The following DNAH8 variants were observed in gnomAD, a reference collection of about 807,000 sequenced individuals.
The protein encoded by DNAH8 is dynein axonemal heavy chain 8.
A neutral mutation model predicts 562.1 loss-of-function variants in DNAH8; 382 were observed. The ratio of observed to expected loss-of-function variants is 0.68; its 90% confidence interval spans 0.63 to 0.74. The LOEUF is 0.74. DNAH8 is among the 30% of genes least tolerant of loss of function. The pLI is 0.00. For synonymous variants in DNAH8, 1,881 were observed against 1,919.4 expected (o/e 0.98, Z 0.52); for missense variants, 5,203 against 5,620.4 (o/e 0.93, Z 2.37).
chr6:38,763,650 CA>C, intron 11 of DNAH8: 1 of 173,042 alleles, frequency 5.8e-6, no homozygotes, highest in Non-Finnish European at 1.2e-5. Flanking sequence ...CCTGTCTCTA[CA>C]AAAAACTTAG....
chr6:38,883,237 A>G lies in DNAH8; in HGVS notation c.8002-85A>G. 8 of 1,433,526 alleles carry G rather than the reference A, an allele frequency of 5.6e-6. No homozygotes were observed. In the East Asian group the frequency reaches 9.4e-5, roughly 17 times the overall value. The allele number at this position is 1,433,526 out of a possible 1,614,324, so 88.8% of individuals were successfully genotyped here. The stretch of plus-strand genomic sequence containing the variant: ...TATTAAAAATTAGTTGTATTAATTT[A>G]TAGAAGACTAGCCCATAGAATCATA... On this transcript the variant is annotated intron_variant, in intron 54 of 92. Transcript: ENST00000327475.
chr6:38,834,776 C>T (rs967874004), intron 32 of DNAH8, 135 bp downstream of exon 32: 1 of 633,588 alleles, frequency 1.6e-6, no homozygotes, highest in Non-Finnish European at 2.8e-6. Flanking sequence ...TTCTAATCTG[C>T]TAAATGATGC....
chr6:39,005,845 C>T (rs555749766), intron 88 of DNAH8, among the ~76,000 whole-genome samples: 12 of 152,354 alleles, frequency 7.9e-5, no homozygotes, highest in Admixed American at 2.0e-4. Flanking sequence ...TGCTCTTTCT[C>T]TCTGGCTCCT....
intron 21 of DNAH8, among the ~76,000 whole-genome samples, chr6:38,802,562 AT>A (rs926862535): frequency 6.6e-6 from 1 of 152,236 alleles, no homozygotes. Context: ...AAGTGCAGGC[AT>A]TTTGAATCAG....
intron 11 of DNAH8, among the ~76,000 whole-genome samples, chr6:38,769,292 CACGT>C (rs1767325542): frequency 6.6e-6 from 1 of 152,150 alleles, no homozygotes. Flanking sequence ...CATAGGTATA[CACGT>C]GCCATGGTGG....
chr6:38,810,658 A>G (rs1233748714), intron 24 of DNAH8, among the ~76,000 whole-genome samples: 1 of 152,062 alleles, frequency 6.6e-6, no homozygotes, highest in African/African-American at 2.4e-5. Flanking sequence ...ATTTCTGACT[A>G]CAAGGGCCTT....
Position 38,723,475 on chromosome 6 carries a change from A to T in DNAH8, c.525+4A>T. 1.2e-6 allele frequency: 2 copies of T among 1,600,058 alleles called. No homozygotes were observed. Among genetic ancestry groups the T allele is most frequent in the Non-Finnish European group, 1.7e-6 (2 of 1,176,994 alleles). On this transcript the variant is annotated splice_donor_region_variant and intron_variant, in intron 3 of 92. Coordinates refer to ENST00000327475, the MANE Select transcript of DNAH8 (RefSeq NM_001206927.2). ...ATTAATTTTGGATTGCCCATCTGTAAGTTTAAGTCTTATCATTATATTTTA... is the reference window on the plus strand; with the variant it reads ...ATTAATTTTGGATTGCCCATCTGTATGTTTAAGTCTTATCATTATATTTTA...
intron 12 of DNAH8, 105 bp downstream of exon 12, chr6:38,770,664 A>G: frequency 5.4e-6 from 6 of 1,107,624 alleles, no homozygotes; most frequent in Non-Finnish European, 7.4e-6. Flanking sequence ...TCTCTTGTCC[A>G]CTATTGTTAT....
intron 85 of DNAH8, among the ~76,000 whole-genome samples, 185 bp from the exon 86 acceptor site, chr6:38,982,161 A>G (rs1441506213): frequency 6.6e-6 from 1 of 152,210 alleles, no homozygotes; most frequent in South Asian, 2.1e-4. Flanking sequence ...TTGCTTAATG[A>G]TGCATTTCTC....
intron 79 of DNAH8, among the ~76,000 whole-genome samples, chr6:38,939,720 A>G (rs548545800): frequency 2.0e-5 from 3 of 152,228 alleles, no homozygotes; most frequent in Non-Finnish European, 2.9e-5. Flanking sequence ...GGGTTAAGCC[A>G]TGAATTGGGG....
At chr6:38,935,207 C>A (rs1321698122) in intron 76 of DNAH8, among the ~76,000 whole-genome samples, 5 of 152,134 alleles carry the variant, frequency 3.3e-5, no homozygotes, top group African/African-American at 1.2e-4. Context: ...CTTTTTGTTT[C>A]TACTTGTTCT....
intron 63 of DNAH8, 31 bp downstream of exon 63, chr6:38,906,438 A>G: frequency 3.4e-6 from 5 of 1,476,408 alleles, no homozygotes; most frequent in East Asian, 2.3e-5. Context: ...AAAAGCCCAT[A>G]TTGTAAAAAT....
chr6:38,979,154 C>T (rs1356149544), intron 85 of DNAH8, among the ~76,000 whole-genome samples: 1 of 152,216 alleles, frequency 6.6e-6, no homozygotes, highest in African/African-American at 2.4e-5. Context: ...TCTCTTCTCT[C>T]CTCCTTGTAA....
At chr6:38,947,143 A>T (rs1761498480) in intron 80 of DNAH8, among the ~76,000 whole-genome samples, 1 of 152,228 alleles carries the variant, frequency 6.6e-6, no homozygotes, top group Non-Finnish European at 1.5e-5. Flanking sequence ...ATTGCCAATA[A>T]GTGGCAAAGC....
intron 9 of DNAH8, among the ~76,000 whole-genome samples, chr6:38,751,001 T>C (rs56405907): frequency 0.18 from 27,903 of 152,164 alleles, 3,323 homozygotes; most frequent in Non-Finnish European, 0.27. Context: ...ATATTACTTA[T>C]ACTTTGCTGC....
In DNAH8 at chr6:38,879,379, T is replaced by G. The variant is rs78562574; in HGVS notation, c.7859-3531T>G. On this transcript the variant is annotated intron_variant, in intron 53 of 92. Coordinates refer to ENST00000327475, the MANE Select transcript of DNAH8 (RefSeq NM_001206927.2). Reference sequence around the variant, plus strand: ...CTTAATAAAATTATAACAAATCCAATAGTATACAAAAGTCCAACTGTGGCT... The same window carrying G: ...CTTAATAAAATTATAACAAATCCAAGAGTATACAAAAGTCCAACTGTGGCT... 0.01 allele frequency among the ~76,000 whole-genome samples: 1,562 copies of G among 152,198 alleles called. 88 individuals are homozygous for G. In the East Asian group the frequency reaches 0.15, roughly 14 times the overall value.
intron 30 of DNAH8, among the ~76,000 whole-genome samples, chr6:38,830,769 A>C (rs1583126936): frequency 6.6e-6 from 1 of 152,248 alleles, no homozygotes; most frequent in South Asian, 2.1e-4. Context: ...TGTCACTTAT[A>C]CTGAAGCAAG....
rs768718204 is a variant in DNAH8, at chr6:38,814,147, C to A, written c.3333+18C>A. The A allele has an allele frequency of 7.4e-7, 1 of 1,358,246 alleles. No homozygotes were observed. Among genetic ancestry groups the A allele is most frequent in the Non-Finnish European group, 1.0e-6 (1 of 952,866 alleles). 84.1% of individuals were successfully genotyped at this position (1,358,246 alleles called of 1,614,324 possible). On this transcript the variant is annotated intron_variant, in intron 25 of 92. Coordinates refer to ENST00000327475, the MANE Select transcript of DNAH8 (RefSeq NM_001206927.2). ...CTAATGTGGTAAGTATTATTAAATACACTGATAATTTGATAAGGTGCTTAA... is the reference window on the plus strand; with the variant it reads ...CTAATGTGGTAAGTATTATTAAATAAACTGATAATTTGATAAGGTGCTTAA...
intron 91 of DNAH8, among the ~76,000 whole-genome samples, chr6:39,015,786 G>T (rs543839029): frequency 6.6e-6 from 1 of 152,008 alleles, no homozygotes; most frequent in Non-Finnish European, 1.5e-5. Flanking sequence ...CTTTTCTTCA[G>T]TTCTGCTTTC....
Sources: gnomAD v4.1 joint callset for allele counts (sites outside exome capture counted in the v4.1 genomes callset) on GRCh38, gnomAD v4.1.1 for gene constraint, MANE v1.5 for transcripts, NCBI Gene and HGNC (gene_info 2026-07-23, HGNC 2026-07-21) for gene names.